Variants in LRRC9 observed in about 807,000 individuals in gnomAD.
LRRC9 encodes the protein leucine rich repeat containing 9.
LRRC9 carries 122 observed loss-of-function variants against 63.2 expected under a neutral mutation model. The ratio of observed to expected loss-of-function variants is 1.93; its 90% CI spans 1.67 to 2.24. The LOEUF (loss-of-function observed/expected upper bound fraction) is 2.24. Among genes scored for constraint, LRRC9 ranks in the 30% most tolerant of loss-of-function variants. LRRC9 has a pLI of 0.00. For missense variants in LRRC9, 1,071 were observed against 627.7 expected, an observed-to-expected ratio of 1.71 and a Z score of -7.55; for synonymous variants, 366 against 213.1, an observed-to-expected ratio of 1.72 and a Z score of -6.25.
intron 17 of LRRC9, among the ~76,000 whole-genome samples, chr14:59,989,015 T>C (rs1205214172): frequency 6.6e-6 from 1 of 152,150 alleles, no homozygotes; most frequent in Non-Finnish European, 1.5e-5. Flanking sequence ...CTGATGAGAA[T>C]GTATGATTTT....
intron 17 of LRRC9, among the ~76,000 whole-genome samples, chr14:59,993,104 G>T (rs1888342780): frequency 6.6e-6 from 1 of 152,192 alleles, no homozygotes; most frequent in Non-Finnish European, 1.5e-5. Flanking sequence ...ACTAACAGCT[G>T]ATCTCTCGGC....
chr14:59,966,694 C>A lies in LRRC9; in HGVS notation c.1317C>A (p.Asn439Lys), dbSNP rs751340012. The change falls in exon 11 of 32, where the codon AAC (asparagine) becomes AAA (lysine). Residue 439 changes from asparagine (N) to lysine (K), a missense_variant. Coordinates refer to ENST00000445360, the Ensembl canonical transcript of LRRC9. This position sits in a 1 kb window ranked among gnomAD's most constrained non-coding sequence, Gnocchi z 4.0. The stretch of plus-strand genomic sequence containing the variant: ...TAAAACGCATCATTAAAGTTAACAA[C>A]CGTATTCTGAGACTAAAATTCGAAG... The A allele has an allele frequency of 2.9e-6, 2 of 695,924 alleles. No homozygotes were observed. Among genetic ancestry groups the A allele is most frequent in the East Asian group, 2.7e-5 (1 of 37,162 alleles). The allele number at this position is 695,924 out of a possible 1,614,324, so 43.1% of individuals were successfully genotyped here.
chr14:59,960,926 T>A (rs1237826510), exon 10 of LRRC9: 1 of 674,194 alleles, frequency 1.5e-6, no homozygotes, highest in Admixed American at 2.2e-5. Flanking sequence ...TTGAAGCAAT[T>A]TATCATATTG....
intron 9 of LRRC9, among the ~76,000 whole-genome samples, chr14:59,960,694 T>A (rs759874209): frequency 7.9e-5 from 12 of 152,236 alleles, no homozygotes; most frequent in Admixed American, 2.0e-4. Flanking sequence ...AAGGATAGTC[T>A]TCTAGCCTTC....
Position 59,930,826 on chromosome 14 carries a change from T to C in LRRC9, c.268-92T>C, listed in dbSNP as rs892605094. The C allele has an allele frequency of 1.1e-5, 3 of 274,574 alleles. No homozygotes were observed. The highest frequency in any genetic ancestry group is 9.8e-5 in the Admixed American group (2 of 20,454). 17.0% of individuals were successfully genotyped at this position (274,574 alleles called of 1,614,324 possible). ...ATTGATTTTGCAATAAAATATGATA[T>C]TTAAAAGAAAATATACTTAGAAACC... On this transcript the variant is annotated intron_variant, in intron 3 of 31. Coordinates refer to ENST00000445360, the Ensembl canonical transcript of LRRC9. This position sits in a 1 kb window ranked among gnomAD's most constrained non-coding sequence, Gnocchi z 4.9.
intron 8 of LRRC9, among the ~76,000 whole-genome samples, chr14:59,952,679 A>G (rs1883294790): frequency 6.6e-6 from 1 of 152,170 alleles, no homozygotes; most frequent in Admixed American, 6.5e-5. Flanking sequence ...TCTGGGATAC[A>G]TGTGCAAACA....
chr14:60,033,992 C>A (rs907156872), intron 29 of LRRC9, among the ~76,000 whole-genome samples: 5 of 146,924 alleles, frequency 3.4e-5, no homozygotes, highest in African/African-American at 7.5e-5. Flanking sequence ...AGAAAATTGG[C>A]CTTTTTATGT....
intron 31 of LRRC9, among the ~76,000 whole-genome samples, chr14:60,061,770 A>G (rs116750142): frequency 0.011 from 1,613 of 152,330 alleles, 22 homozygotes; most frequent in African/African-American, 0.037. Flanking sequence ...ATATGTTTAA[A>G]ACATTATCTA....
intron 17 of LRRC9, among the ~76,000 whole-genome samples, chr14:59,996,069 G>T (rs1054606432): frequency 2.0e-5 from 3 of 152,068 alleles, no homozygotes; most frequent in African/African-American, 4.8e-5. Flanking sequence ...ATGATGTGTG[G>T]TTCCCAAATG....
intron 29 of LRRC9, among the ~76,000 whole-genome samples, chr14:60,032,769 C>T (rs1018757334): frequency 5.9e-5 from 9 of 152,006 alleles, no homozygotes; most frequent in African/African-American, 1.9e-4. Context: ...GAGCTTTTTC[C>T]GCACAGGAGG....
chr14:60,046,804 G>A (rs190052498), intron 29 of LRRC9, among the ~76,000 whole-genome samples: 1 of 152,132 alleles, frequency 6.6e-6, no homozygotes, highest in Non-Finnish European at 1.5e-5. Flanking sequence ...GAATGTCAAT[G>A]GCAGTTTAAT....
At chr14:59,949,300 G>T (rs1446909604) in intron 8 of LRRC9, among the ~76,000 whole-genome samples, 1 of 152,180 alleles carries the variant, frequency 6.6e-6, no homozygotes, top group Non-Finnish European at 1.5e-5. Flanking sequence ...TTGCGTAGAG[G>T]TGTTTGTAGT....
chr14:59,959,277 T>C (rs1003403235), intron 8 of LRRC9, among the ~76,000 whole-genome samples: 6 of 152,142 alleles, frequency 3.9e-5, no homozygotes, highest in Non-Finnish European at 5.9e-5. Flanking sequence ...AACAAAATCT[T>C]AAGACCAGTG....
intron 30 of LRRC9, among the ~76,000 whole-genome samples, chr14:60,055,371 C>A (rs1275250441): frequency 1.3e-5 from 2 of 152,186 alleles, no homozygotes; most frequent in East Asian, 3.9e-4. Flanking sequence ...CAAAAGAGAG[C>A]AAATGGTCAA....
intron 17 of LRRC9, among the ~76,000 whole-genome samples, chr14:59,996,352 AT>A (rs981670817): frequency 2.7e-4 from 41 of 152,280 alleles, no homozygotes; most frequent in South Asian, 8.3e-4. Flanking sequence ...ATTTTCAGAA[AT>A]TTTTTTAGGT....
chr14:60,022,954 G>A, intron 27 of LRRC9, 84 bp downstream of exon 27: 2 of 430,284 alleles, frequency 4.6e-6, no homozygotes, highest in Non-Finnish European at 8.3e-6. Flanking sequence ...GCAAATATAA[G>A]CATCAGTATT....
chr14:60,000,301 G>C lies in LRRC9; in HGVS notation c.2529+1075G>C, dbSNP rs76586914. Among the ~76,000 whole-genome samples, 435 of 152,184 alleles carry C rather than the reference G, an allele frequency of 2.9e-3. 1 individual carries two copies. The highest frequency in any genetic ancestry group is 9.9e-3 in the African/African-American group (412 of 41,546). On this transcript the variant is annotated intron_variant, in intron 19 of 31. Coordinates refer to ENST00000445360, the Ensembl canonical transcript of LRRC9. ...ACATTGGAGAATACGACAGGGAGGA[G>C]GGAGATGGGCAGAGCTGAAAAATTA...
chr14:60,039,538 A>G (rs1010876074), intron 29 of LRRC9, among the ~76,000 whole-genome samples: 1 of 152,142 alleles, frequency 6.6e-6, no homozygotes, highest in Non-Finnish European at 1.5e-5. Context: ...TAGATTTTCT[A>G]GTTTATTTGC....
intron 8 of LRRC9, among the ~76,000 whole-genome samples, chr14:59,952,427 A>C (rs1883264450): frequency 6.6e-6 from 1 of 152,092 alleles, no homozygotes; most frequent in African/African-American, 2.4e-5. Context: ...TGAACCGGGT[A>C]CCTCAGATGG....
Sources: allele counts gnomAD v4.1 joint callset (sites outside exome capture counted in the v4.1 genomes callset), GRCh38; gene constraint gnomAD v4.1.1; non-coding constraint Gnocchi (gnomAD v3.1); transcripts MANE v1.5; gene names NCBI Gene and HGNC (gene_info 2026-07-23, HGNC 2026-07-21).